Variants in MB21D2 observed in about 807,000 individuals in gnomAD.
MB21D2 encodes nucleotidyltransferase MB21D2.
Under a neutral mutation model 33.3 loss-of-function variants are expected in MB21D2, and 9 were observed. The observed-to-expected ratio is 0.27, with a 90% CI of 0.16 to 0.47. MB21D2 has a LOEUF of 0.47. MB21D2 is among the 20% of genes least tolerant of loss of function. The pLI, the probability that MB21D2 is intolerant of heterozygous loss-of-function variation, is 0.99. For synonymous variants in MB21D2, 241 were observed against 236.3 expected (o/e 1.02, Z -0.18); for missense variants, 540 against 624.6 (o/e 0.86, Z 1.44).
intron 1 of MB21D2, among the ~76,000 whole-genome samples, chr3:192,878,191 G>C (rs11917785): frequency 0.08 from 11,711 of 145,708 alleles, 582 homozygotes; most frequent in African/African-American, 0.14. Context: ...GCTCCGCCTC[G>C]CGGGTTCACG....
At chr3:192,915,656 T>A (rs748975629) in intron 1 of MB21D2, among the ~76,000 whole-genome samples, 10 of 152,192 alleles carry the variant, frequency 6.6e-5, no homozygotes, top group Non-Finnish European at 1.5e-4. Flanking sequence ...GTCAACACAA[T>A]GCCACCCATG....
intron 1 of MB21D2, among the ~76,000 whole-genome samples, chr3:192,895,927 C>A (rs528871934): frequency 5.3e-5 from 8 of 152,230 alleles, no homozygotes; most frequent in Non-Finnish European, 8.8e-5. Flanking sequence ...ATTCTTTGCA[C>A]AAAGAATCAC....
chr3:192,817,529 G>A (rs1486705038), intron 1 of MB21D2, among the ~76,000 whole-genome samples: 1 of 152,198 alleles, frequency 6.6e-6, no homozygotes, highest in African/African-American at 2.4e-5. Flanking sequence ...ACTCAATCAT[G>A]ACAGCTAGCA....
intron 1 of MB21D2, among the ~76,000 whole-genome samples, chr3:192,824,278 A>G (rs906075055): frequency 1.3e-5 from 2 of 152,202 alleles, no homozygotes; most frequent in African/African-American, 2.4e-5. Flanking sequence ...GGGAGATGTA[A>G]TAAGACCTCA....
At position 192,828,591 on chromosome 3, in the gene MB21D2, CATATATATATATATATATATATAT is replaced by C. The variant is rs58394740; in HGVS notation, c.212-28965_212-28942del. The stretch of plus-strand genomic sequence containing the variant: ...TATATACAATAAAACTCACCCCCCC[CATATATATATATATATATATATAT>C]ATATATATATATATATATATATATA... On this transcript the variant is annotated intron_variant, in intron 1 of 1. Coordinates refer to ENST00000392452, the MANE Select transcript of MB21D2 (RefSeq NM_178496.4). Among the ~76,000 whole-genome samples, 127 of 54,088 alleles carry C rather than the reference CATATATATATATATATATATATAT, an allele frequency of 2.3e-3. 3 individuals carry two copies. Among genetic ancestry groups the C allele is most frequent in the Admixed American group, 4.1e-3 (15 of 3,626 alleles). 35.5% of individuals were successfully genotyped at this position (54,088 alleles called of 152,430 possible).
chr3:192,798,425 G>A lies in MB21D2; in HGVS notation c.1437C>T (p.Val479=). ...CATCAATTCTGAAATGGGGCCTTGT[G>A]ACATCGTCAGGATTGATAAAGACAG... The part of the protein sequence containing the change: ...SISVFINPDD[V]TRPHFRIDDK... The change falls in exon 2 of 2, where the codon GTC becomes GTT. Residue 479 remains valine, a synonymous_variant. Transcript: ENST00000392452. The surrounding 1 kb of genome is among the most constrained non-coding windows in gnomAD (Gnocchi z 4.8). 1 of 1,614,180 alleles carries A rather than the reference G, an allele frequency of 6.2e-7. No homozygotes were observed. The highest frequency in any genetic ancestry group is 8.5e-7 in the Non-Finnish European group (1 of 1,180,028).
chr3:192,863,263 G>A (rs1713089184), intron 1 of MB21D2, among the ~76,000 whole-genome samples: 1 of 152,218 alleles, frequency 6.6e-6, no homozygotes, highest in Admixed American at 6.5e-5. Context: ...AGGTCCTTGA[G>A]TTCAGACTTC....
intron 1 of MB21D2, among the ~76,000 whole-genome samples, chr3:192,806,054 G>C (rs1711653583): frequency 6.6e-6 from 1 of 152,254 alleles, no homozygotes; most frequent in Admixed American, 6.5e-5. Context: ...CTTCCTCTGA[G>C]TGAATGCCAT....
chr3:192,808,414 A>G (rs1178992684), intron 1 of MB21D2, among the ~76,000 whole-genome samples: 1 of 152,238 alleles, frequency 6.6e-6, no homozygotes, highest in Non-Finnish European at 1.5e-5. Context: ...AGGCTATGAG[A>G]GCCATCTTCA....
chr3:192,800,614 A>G (rs1369923225), intron 1 of MB21D2, among the ~76,000 whole-genome samples: 1 of 152,198 alleles, frequency 6.6e-6, no homozygotes, highest in African/African-American at 2.4e-5. Context: ...CCTCTGAGCC[A>G]TTAGAAAGAC....
Position 192,799,632 on chromosome 3 carries a change from T to C in MB21D2, c.230A>G (p.Asp77Gly), listed in dbSNP as rs117555490. 792 of 1,613,732 alleles carry C rather than the reference T, an allele frequency of 4.9e-4. 22 individuals are homozygous for C. In the East Asian group the frequency reaches 0.015, roughly 30 times the overall value. ...TTCATTAGCCACTGGAAGCTTTTGG[T>C]CCAGCTTTTGCACCATTCCTGGAAA... Reference protein sequence around the residue: ...FSMLGMVQKLDQKLPVANEYL... With the variant: ...FSMLGMVQKLGQKLPVANEYL... The change falls in exon 2 of 2, where the codon GAC becomes GGC. Residue 77 changes from aspartate (D) to glycine (G), a missense_variant. Transcript: ENST00000392452. This position sits in a 1 kb window ranked among gnomAD's most constrained non-coding sequence, Gnocchi z 4.1.
chr3:192,827,217 A>C (rs13100102), intron 1 of MB21D2, among the ~76,000 whole-genome samples: 1,750 of 152,188 alleles, frequency 0.011, 18 homozygotes, highest in Non-Finnish European at 0.017. Flanking sequence ...TTAAAGGGCA[A>C]AAAGTATAAA....
At chr3:192,891,979 T>C (rs1713862070) in intron 1 of MB21D2, among the ~76,000 whole-genome samples, 1 of 152,168 alleles carries the variant, frequency 6.6e-6, no homozygotes, top group Admixed American at 6.5e-5. Context: ...GTTTGTAGAA[T>C]GGAGAAAAAC....
At chr3:192,887,903 A>G (rs1713767534) in intron 1 of MB21D2, among the ~76,000 whole-genome samples, 1 of 152,032 alleles carries the variant, frequency 6.6e-6, no homozygotes, top group Admixed American at 6.5e-5. Context: ...GTGGGGCCTG[A>G]AATGCTGCAC....
Position 192,812,209 on chromosome 3 carries a change from G to A in MB21D2, c.212-12559C>T, listed in dbSNP as rs868216387. Among the ~76,000 whole-genome samples the A allele has an allele frequency of 1.8e-4, 28 of 151,864 alleles. 1 individual carries two copies. The highest frequency in any genetic ancestry group is 1.0e-3 in the South Asian group (5 of 4,802). ...ACTACAGATGTGCGCCACCACGCCC[G>A]GCTAATTTTTGTATTTTCAGTAGAG... On this transcript the variant is annotated intron_variant, in intron 1 of 1. Transcript: ENST00000392452.
At chr3:192,811,325 C>T (rs1711783518) in intron 1 of MB21D2, among the ~76,000 whole-genome samples, 1 of 152,182 alleles carries the variant, frequency 6.6e-6, no homozygotes, top group South Asian at 2.1e-4. Flanking sequence ...CCCAAGTGAA[C>T]TACCACAGCA....
intron 1 of MB21D2, among the ~76,000 whole-genome samples, chr3:192,832,747 G>T (rs1354110449): frequency 6.6e-6 from 1 of 152,162 alleles, no homozygotes; most frequent in South Asian, 2.1e-4. Context: ...CCGAGAGATC[G>T]AGCCACTGCA....
intron 1 of MB21D2, among the ~76,000 whole-genome samples, chr3:192,907,468 G>T (rs1273521509): frequency 6.6e-6 from 1 of 152,136 alleles, no homozygotes; most frequent in Non-Finnish European, 1.5e-5. Context: ...CAAGCTCTTT[G>T]CAGGTGATAT....
chr3:192,833,481 C>CA (rs1379612561), intron 1 of MB21D2, among the ~76,000 whole-genome samples: 3 of 152,202 alleles, frequency 2.0e-5, no homozygotes, highest in Admixed American at 2.0e-4. Context: ...TGTGTGCCTT[C>CA]AGTTTCGCAA....
Sources: allele counts gnomAD v4.1 joint callset (sites outside exome capture counted in the v4.1 genomes callset), GRCh38; gene constraint gnomAD v4.1.1; non-coding constraint Gnocchi (gnomAD v3.1); transcripts MANE v1.5; gene names NCBI Gene and HGNC (gene_info 2026-07-23, HGNC 2026-07-21).